PLCH1: variants seen among roughly 807,000 people sequenced by gnomAD.
PLCH1 encodes 1-phosphatidylinositol 4,5-bisphosphate phosphodiesterase eta-1.
PLCH1 carries 60 observed loss-of-function variants against 126.7 expected under a neutral mutation model. That is an observed-to-expected ratio of 0.47 (90% CI 0.38 to 0.59). PLCH1 has a LOEUF of 0.59. Among genes scored for constraint, PLCH1 ranks in the 20% least tolerant of loss-of-function variants. The pLI is 0.00. For missense variants in PLCH1, 1,723 were observed against 2,040.0 expected (o/e 0.84, Z 2.99); for synonymous variants, 719 against 734.9 (o/e 0.98, Z 0.35).
chr3:155,636,976 T>C (rs1386807229), intron 2 of PLCH1, among the ~76,000 whole-genome samples: 1 of 152,204 alleles, frequency 6.6e-6, no homozygotes, highest in Non-Finnish European at 1.5e-5. Context: ...CTTTTAGTAA[T>C]TGATTTTTAC....
Position 155,744,265 on chromosome 3 carries a change from C to G in PLCH1, c.-41+575G>C, listed in dbSNP as rs1350561406. On this transcript the variant is annotated intron_variant, in intron 1 of 22. Coordinates refer to ENST00000460012, the MANE Select transcript of PLCH1 (RefSeq NM_014996.4). ...GGGCCGGGGTTTGCCTCCACCACCC[C>G]GCGCCGCTCGGGCGCTCTTGGTTCT... Among the ~76,000 whole-genome samples, 6 of 152,166 alleles carry G rather than the reference C, an allele frequency of 3.9e-5. No homozygotes were observed. The East Asian group carries it at 5.8e-4, about 15-fold the overall frequency.
chr3:155,737,064 T>C (rs1484274516), intron 1 of PLCH1, among the ~76,000 whole-genome samples: 1 of 151,494 alleles, frequency 6.6e-6, no homozygotes, highest in Non-Finnish European at 1.5e-5. Flanking sequence ...ACCCCGTCTC[T>C]ACTAAAATAC....
intron 2 of PLCH1, among the ~76,000 whole-genome samples, chr3:155,611,980 C>T (rs1266345236): frequency 6.6e-6 from 1 of 152,044 alleles, no homozygotes; most frequent in Non-Finnish European, 1.5e-5. Context: ...ATAGGAGTGA[C>T]ACAACCTATC....
chr3:155,603,071 C>T (rs1733943010), intron 2 of PLCH1, among the ~76,000 whole-genome samples: 1 of 152,080 alleles, frequency 6.6e-6, no homozygotes. Flanking sequence ...AAGAATATCA[C>T]TTGCACTCTT....
chr3:155,723,750 T>C (rs1161434286), intron 1 of PLCH1, among the ~76,000 whole-genome samples: 2 of 152,054 alleles, frequency 1.3e-5, no homozygotes, highest in Non-Finnish European at 2.9e-5. Flanking sequence ...GGTCAGGAGT[T>C]TGAGACCAGC....
chr3:155,563,085 T>A (rs116697657), intron 8 of PLCH1, among the ~76,000 whole-genome samples: 139 of 152,348 alleles, frequency 9.1e-4, no homozygotes, highest in African/African-American at 3.3e-3. Flanking sequence ...ATCCTTTAGA[T>A]CCAAGTACTC....
chr3:155,621,951 A>C (rs1736572501), intron 2 of PLCH1, among the ~76,000 whole-genome samples: 1 of 152,182 alleles, frequency 6.6e-6, no homozygotes, highest in Non-Finnish European at 1.5e-5. Flanking sequence ...ACCCAAAGAC[A>C]CATAATCGTC....
chr3:155,544,951 G>T (rs1201259617), intron 10 of PLCH1, among the ~76,000 whole-genome samples: 2 of 150,010 alleles, frequency 1.3e-5, no homozygotes, highest in East Asian at 3.9e-4. Context: ...ATCCAAAATT[G>T]ACACCCTAAC....
In PLCH1 at chr3:155,488,037, G is replaced by A. The variant is rs778020503; in HGVS notation, c.2610C>T (p.Ile870=). The change falls in exon 21 of 23, where the codon ATC becomes ATT. Residue 870 remains isoleucine, a synonymous_variant. Coordinates refer to ENST00000460012, the MANE Select transcript of PLCH1 (RefSeq NM_014996.4). ...CTATGATCTTTCTCACCTTTCCATA[G>A]ATTTCATTGATGGTTATGTGTACAA... is the stretch of plus-strand genomic sequence containing the variant. The part of the protein sequence containing the change: ...SIFVHITINE[I]YGKNRQLQGL... The A allele has an allele frequency of 2.5e-6, 4 of 1,576,564 alleles. No individual in the cohort carries two copies. Among genetic ancestry groups the A allele is most frequent in the Non-Finnish European group, 3.5e-6 (4 of 1,145,744 alleles).
chr3:155,601,967 C>T (rs1398794695), intron 2 of PLCH1, among the ~76,000 whole-genome samples: 3 of 152,054 alleles, frequency 2.0e-5, no homozygotes, highest in African/African-American at 4.8e-5. Context: ...TGTGCTTGGC[C>T]TTTCACTAAG....
intron 12 of PLCH1, among the ~76,000 whole-genome samples, chr3:155,513,094 A>G (rs1719814404): frequency 6.6e-6 from 1 of 152,240 alleles, no homozygotes; most frequent in Non-Finnish European, 1.5e-5. Context: ...TTGACGGTCC[A>G]GAAAAGTAGA....
At chr3:155,491,212 A>G (rs1471885642) in intron 18 of PLCH1, among the ~76,000 whole-genome samples, 2 of 152,178 alleles carry the variant, frequency 1.3e-5, no homozygotes, top group South Asian at 4.1e-4. Flanking sequence ...GAAACAACCT[A>G]AATTTCTATC....
At chr3:155,476,791 G>A (rs1260482344), downstream of PLCH1, among the ~76,000 whole-genome samples, 1 of 152,070 alleles carries the variant, frequency 6.6e-6, no homozygotes, top group Non-Finnish European at 1.5e-5. Context: ...TTCATGGATT[G>A]GAAGACTCAA....
chr3:155,728,764 T>C (rs987961790), intron 1 of PLCH1, among the ~76,000 whole-genome samples: 1 of 152,194 alleles, frequency 6.6e-6, no homozygotes, highest in African/African-American at 2.4e-5. Context: ...TATAGATATA[T>C]ATGCCTTCAT....
At chr3:155,711,565 C>T (rs1313048327) in intron 1 of PLCH1, among the ~76,000 whole-genome samples, 1 of 152,140 alleles carries the variant, frequency 6.6e-6, no homozygotes. Context: ...TTTAAGAAAA[C>T]TCCACCACAG....
intron 12 of PLCH1, among the ~76,000 whole-genome samples, chr3:155,511,214 T>A (rs2108212204): frequency 1.7e-5 from 1 of 60,168 alleles, no homozygotes; most frequent in Admixed American, 1.7e-4. Flanking sequence ...CATCAGCTCC[T>A]TTAAGCACTT....
chr3:155,594,172 G>C lies in PLCH1; in HGVS notation c.239C>G (p.Ser80Cys), dbSNP rs753893161. The C allele has an allele frequency of 5.0e-6, 8 of 1,613,572 alleles. No homozygotes were observed. Among genetic ancestry groups the C allele is most frequent in the East Asian group, 2.2e-5 (1 of 44,892 alleles). ...KSEKAKILID[S>C]IYKVTEGRQS... Reference sequence around the variant, plus strand: ...CCGGCCCTCAGTCACTTTGTAAATGGAATCAATAAGTACTGTGAGGAAAAT... The same window carrying C: ...CCGGCCCTCAGTCACTTTGTAAATGCAATCAATAAGTACTGTGAGGAAAAT... Residue 80 changes from serine (S) to cysteine (C), a missense_variant, in exon 4 of 23, where the codon TCC becomes TGC. Physicochemically the swap from Ser to Cys is moderately radical, Grantham distance 112. Transcript: ENST00000460012.
intron 2 of PLCH1, among the ~76,000 whole-genome samples, chr3:155,654,059 C>T (rs954905693): frequency 2.7e-5 from 4 of 150,286 alleles, no homozygotes; most frequent in African/African-American, 9.8e-5. Context: ...ATCTAGCATG[C>T]CCATGACCTC....
intron 2 of PLCH1, among the ~76,000 whole-genome samples, chr3:155,633,398 CTTA>C (rs1465592524): frequency 4.1e-5 from 6 of 147,330 alleles, no homozygotes; most frequent in Non-Finnish European, 8.9e-5. Flanking sequence ...TCTTTCAGCA[CTTA>C]TTATATAACA....
Sources: gnomAD v4.1 joint callset for allele counts (sites outside exome capture counted in the v4.1 genomes callset) on GRCh38, gnomAD v4.1.1 for gene constraint, MANE v1.5 for transcripts, NCBI Gene and HGNC (gene_info 2026-07-23, HGNC 2026-07-21) for gene names.